SDCCAG8: variants seen among roughly 807,000 people sequenced by gnomAD.
The protein encoded by SDCCAG8 is serologically defined colon cancer antigen 8.
SDCCAG8 carries 74 observed loss-of-function variants against 101.8 expected under a neutral mutation model. The ratio of observed to expected loss-of-function variants is 0.73; its 90% CI spans 0.60 to 0.88. SDCCAG8 has a LOEUF of 0.88. SDCCAG8 is among the 40% of genes least tolerant of loss of function. The pLI, the probability that SDCCAG8 is intolerant of heterozygous loss-of-function variation, is 0.00. For missense variants in SDCCAG8, 787 were observed against 822.6 expected (o/e 0.96, Z 0.53); for synonymous variants, 281 against 292.9 (o/e 0.96, Z 0.41).
chr1:243,487,414 T>C (rs4658574), intron 16 of SDCCAG8, among the ~76,000 whole-genome samples: 28,518 of 152,200 alleles, frequency 0.19, 3,126 homozygotes, highest in East Asian at 0.36. Context: ...CCTTAGGTAT[T>C]GCCAGAAGGA....
At chr1:243,420,731 A>G (rs1350884229) in intron 15 of SDCCAG8, among the ~76,000 whole-genome samples, 1 of 152,160 alleles carries the variant, frequency 6.6e-6, no homozygotes, top group Non-Finnish European at 1.5e-5. Flanking sequence ...GAATAGGACA[A>G]ATTTTGATTT....
chr1:243,499,622 C>T, intron 17 of SDCCAG8, 134 bp from the exon 18 acceptor site: 1 of 745,388 alleles, frequency 1.3e-6, no homozygotes, highest in Non-Finnish European at 2.4e-6. Flanking sequence ...CATATAATTT[C>T]CACATTTTTA....
chr1:243,313,823 T>G (rs2072988662), intron 8 of SDCCAG8, among the ~76,000 whole-genome samples: 1 of 152,168 alleles, frequency 6.6e-6, no homozygotes, highest in Admixed American at 6.5e-5. Context: ...TGTAGCTAAC[T>G]GGGCAGTTAC....
At chr1:243,367,850 A>C (rs939574808) in intron 12 of SDCCAG8, among the ~76,000 whole-genome samples, 4 of 151,440 alleles carry the variant, frequency 2.6e-5, no homozygotes, top group African/African-American at 9.7e-5. Flanking sequence ...TAACATTTTA[A>C]GTGGAAAATG....
At position 243,264,391 on chromosome 1, in the gene SDCCAG8, G is replaced by A. The variant is rs2067422983; in HGVS notation, c.68-5714G>A. Among the ~76,000 whole-genome samples the A allele has an allele frequency of 1.3e-4, 20 of 152,296 alleles. 1 individual carries two copies. In the South Asian group the frequency reaches 4.1e-3, roughly 32 times the overall value. On this transcript the variant is annotated intron_variant, in intron 1 of 17. Transcript: ENST00000366541. The stretch of plus-strand genomic sequence containing the variant: ...GCACTTTGGGAGGCTGAGGCGGAAG[G>A]ATCACCTGAGGTCGAGGGTTTGAGA...
chr1:243,361,327 G>A (rs959666900), intron 12 of SDCCAG8, among the ~76,000 whole-genome samples: 7 of 152,094 alleles, frequency 4.6e-5, no homozygotes, highest in African/African-American at 9.7e-5. Context: ...CCCCCTTTCT[G>A]CTTTATTTTA....
At chr1:243,362,936 A>G (rs1197208204) in intron 12 of SDCCAG8, among the ~76,000 whole-genome samples, 1 of 152,160 alleles carries the variant, frequency 6.6e-6, no homozygotes, top group Non-Finnish European at 1.5e-5. Flanking sequence ...GAATATAGAC[A>G]TTTGCATTTA....
At chr1:243,370,459 A>G (rs1316009588) in intron 12 of SDCCAG8, among the ~76,000 whole-genome samples, 1 of 152,120 alleles carries the variant, frequency 6.6e-6, no homozygotes, top group Non-Finnish European at 1.5e-5. Context: ...AAAAAAGTAG[A>G]GATATCACCT....
chr1:243,277,919 G>C lies in SDCCAG8; in HGVS notation c.420+3263G>C, dbSNP rs185345193. Among the ~76,000 whole-genome samples the C allele has an allele frequency of 4.1e-3, 621 of 152,222 alleles. 4 individuals carry two copies. The highest frequency in any genetic ancestry group is 7.6e-3 in the Non-Finnish European group (518 of 68,022). On this transcript the variant is annotated intron_variant, in intron 4 of 17. Transcript: ENST00000366541. ...TTACTGTAGCTTTACATTAAGTCTT[G>C]AAGTTGGGTAATATCAGTACTCTAA... is the stretch of plus-strand genomic sequence containing the variant.
intron 15 of SDCCAG8, among the ~76,000 whole-genome samples, chr1:243,422,971 T>A (rs2081108058): frequency 6.6e-6 from 1 of 152,186 alleles, no homozygotes; most frequent in South Asian, 2.1e-4. Flanking sequence ...GCCAGAAATG[T>A]ATCTCCTAAC....
Position 243,469,739 on chromosome 1 carries a change from T to A in SDCCAG8, c.1986-19275T>A, listed in dbSNP as rs572361556. On this transcript the variant is annotated intron_variant, in intron 16 of 17. Transcript: ENST00000366541. ...TAATGTATCTGCCTGCGAGTGCATG[T>A]GTGCATCTGGAACCTAGCGTATTGT... Among the ~76,000 whole-genome samples, 4 of 152,180 alleles carry A rather than the reference T, an allele frequency of 2.6e-5. No homozygotes were observed. The South Asian group carries it at 8.3e-4, about 32-fold the overall frequency.
chr1:243,287,269 G>C (rs2069716230), intron 5 of SDCCAG8, among the ~76,000 whole-genome samples: 1 of 152,108 alleles, frequency 6.6e-6, no homozygotes, highest in Non-Finnish European at 1.5e-5. Flanking sequence ...CTTTCCATGT[G>C]GAAGTTTTCA....
chr1:243,344,138 G>A (rs2075554765), intron 11 of SDCCAG8, 77 bp from the exon 12 acceptor site: 2 of 1,128,820 alleles, frequency 1.8e-6, no homozygotes, highest in African/African-American at 1.5e-5. Context: ...ACCTCTAGGG[G>A]GCACCAAAAG....
chr1:243,318,325 A>G (rs1264054446), intron 9 of SDCCAG8, among the ~76,000 whole-genome samples: 1 of 152,212 alleles, frequency 6.6e-6, no homozygotes, highest in East Asian at 1.9e-4. Flanking sequence ...AGCACAAAGT[A>G]GGAAACCACA....
chr1:243,476,104 A>G (rs1662366569), intron 16 of SDCCAG8: 1 of 985,240 alleles, frequency 1.0e-6, no homozygotes, highest in Non-Finnish European at 1.2e-6. Flanking sequence ...CTTTTACTGA[A>G]TGATTTATTG....
intron 1 of SDCCAG8, among the ~76,000 whole-genome samples, chr1:243,262,467 G>GTTTACTAGAACT (rs2067270138): frequency 1.3e-5 from 2 of 152,140 alleles, no homozygotes; most frequent in Non-Finnish European, 2.9e-5. Flanking sequence ...GAACTTAAAA[G>GTTTACTAGAACT]TACAATCTCA....
intron 17 of SDCCAG8, among the ~76,000 whole-genome samples, chr1:243,496,139 C>T (rs1297890613): frequency 6.6e-6 from 1 of 152,192 alleles, no homozygotes. Flanking sequence ...AGATAAATAA[C>T]CATTTTGTAC....
At chr1:243,397,824 G>A (rs2079119413) in intron 13 of SDCCAG8, among the ~76,000 whole-genome samples, 1 of 152,224 alleles carries the variant, frequency 6.6e-6, no homozygotes, top group African/African-American at 2.4e-5. Flanking sequence ...GGAACAGTAC[G>A]CATACAGTGG....
Position 243,316,772 on chromosome 1 carries a change from T to C in SDCCAG8, c.947T>C (p.Met316Thr), listed in dbSNP as rs200461035. 4.3e-5 allele frequency: 70 copies of C among 1,614,200 alleles called. No homozygotes were observed. The African/African-American group carries it at 7.6e-4, about 18-fold the overall frequency. Reference protein sequence around the residue: ...ERLVKERDDLMSALVSVRSSL... With the variant: ...ERLVKERDDLTSALVSVRSSL... ...GCTGACAGAGAAAGAGATGACTTGATGTCTGCACTAGTTTCCGTAAGGAGC... is the reference window on the plus strand; with the variant it reads ...GCTGACAGAGAAAGAGATGACTTGACGTCTGCACTAGTTTCCGTAAGGAGC... Residue 316 changes from methionine to threonine, a missense_variant, in exon 9 of 18, where the codon ATG becomes ACG. By Grantham distance (81) the Met-to-Thr change is moderately conservative. Transcript: ENST00000366541.
Sources: gnomAD v4.1 joint callset for allele counts (sites outside exome capture counted in the v4.1 genomes callset) on GRCh38, gnomAD v4.1.1 for gene constraint, MANE v1.5 for transcripts, NCBI Gene and HGNC (gene_info 2026-07-23, HGNC 2026-07-21) for gene names.